Variants in P2RX5 observed in about 807,000 individuals in gnomAD.
P2RX5 encodes the protein P2X purinoceptor 5.
Under a neutral mutation model 54.1 loss-of-function variants are expected in P2RX5, and 46 were observed. That is an observed-to-expected ratio of 0.85 (90% CI 0.67 to 1.09). The LOEUF (loss-of-function observed/expected upper bound fraction) is 1.09. Ranked by LOEUF, P2RX5 falls within the 50% of genes least tolerant of loss-of-function variation. The pLI, the probability that P2RX5 is intolerant of heterozygous loss-of-function variation, is 0.00. For missense variants in P2RX5, 566 were observed against 549.8 expected (o/e 1.03, Z -0.29); for synonymous variants, 226 against 226.4 (o/e 1.00, Z 0.02).
chr17:3,679,844 C>G, intron 10 of P2RX5, 60 bp from the exon 11 acceptor site: 1 of 1,458,088 alleles, frequency 6.9e-7, no homozygotes, highest in Non-Finnish European at 9.5e-7. Flanking sequence ...CCCTCCTAGA[C>G]GGGCGGAGTG....
At chr17:3,684,402 A>C (rs200864910) in intron 9 of P2RX5, among the ~76,000 whole-genome samples, 3 of 152,260 alleles carry the variant, frequency 2.0e-5, no homozygotes, top group Admixed American at 2.0e-4. Flanking sequence ...CCAGGGGTTC[A>C]AGATCAGCCT....
At chr17:3,679,063 G>C (rs371140402) in intron 11 of P2RX5, among the ~76,000 whole-genome samples, 38 of 152,322 alleles carry the variant, frequency 2.5e-4, no homozygotes, top group African/African-American at 7.9e-4. Context: ...GGGGCTGAGG[G>C]GGGGTCATCT....
intron 8 of P2RX5, 60 bp from the exon 9 acceptor site, chr17:3,688,165 C>CCACATCAGTGCTGCCT: frequency 2.2e-6 from 2 of 900,602 alleles, no homozygotes; most frequent in Non-Finnish European, 3.6e-6. Flanking sequence ...CTTTAGGCAG[C>CCACATCAGTGCTGCCT]ACTGATGTGG....
At chr17:3,716,170 C>CA in the P2RX5 span, among the ~76,000 whole-genome samples, 25 of 137,090 alleles carry the variant, frequency 1.8e-4, no homozygotes, top group Admixed American at 5.3e-4. Context: ...AACTCCGTCT[C>CA]AAAAAAAAAA....
At chr17:3,703,873 G>A in the P2RX5 span, among the ~76,000 whole-genome samples, 1 of 152,178 alleles carries the variant, frequency 6.6e-6, no homozygotes, top group Non-Finnish European at 1.5e-5. Flanking sequence ...GGCCGAGGTG[G>A]GTGGATCACC....
rs1326668993 is a variant in P2RX5, at chr17:3,695,882, C to T, written c.124G>A (p.Ala42Thr). Residue 42 changes from alanine to threonine, a missense_variant, in exon 1 of 12, where the codon GCG becomes ACG. Transcript: ENST00000225328. ...LYRLLQASIL[A>T]YLVVWVFLIK... ...CGGAGAACTTACACGACCAGGTACG[C>T]CAGGATGGAGGCCTGCAGCAGCCGG... is the stretch of plus-strand genomic sequence containing the variant. 6.2e-7 allele frequency: 1 copy of T among 1,614,042 alleles called. No individual in the cohort carries two copies. The highest frequency in any genetic ancestry group is 8.5e-7 in the Non-Finnish European group (1 of 1,179,974).
At chr17:3,707,988 G>A in the P2RX5 span, among the ~76,000 whole-genome samples, 1 of 147,560 alleles carries the variant, frequency 6.8e-6, no homozygotes, top group South Asian at 2.2e-4. Context: ...AACCCGGGAT[G>A]CGGAACTTGC....
the P2RX5 span, among the ~76,000 whole-genome samples, chr17:3,701,761 G>GT: frequency 7.1e-4 from 60 of 84,388 alleles, no homozygotes; most frequent in African/African-American, 1.6e-3. Context: ...TTTTTTTTTT[G>GT]TTTTTTTTTT....
chr17:3,688,879 C>A (rs1012271738), intron 7 of P2RX5, 120 bp from the exon 8 acceptor site: 8 of 1,069,762 alleles, frequency 7.5e-6, no homozygotes. Context: ...AGGTCAGCCC[C>A]TCGAGACCAC....
At chr17:3,716,310 C>T in the P2RX5 span, among the ~76,000 whole-genome samples, 1 of 152,118 alleles carries the variant, frequency 6.6e-6, no homozygotes. Flanking sequence ...AGGGGAACAA[C>T]AGTCACATCT....
intron 11 of P2RX5, chr17:3,675,490 T>C: frequency 1.0e-6 from 1 of 985,224 alleles, no homozygotes; most frequent in Non-Finnish European, 1.2e-6. Flanking sequence ...CACCAAGTTA[T>C]AAAAATGCAA....
At chr17:3,691,836 TGGCTTCGGGGAGCTTCC>T in intron 1 of P2RX5, 42 bp from the exon 2 acceptor site, 1 of 1,612,344 alleles carries the variant, frequency 6.2e-7, no homozygotes, top group South Asian at 1.1e-5. Flanking sequence ...GCCACTCTGC[TGGCTTCGGGGAGCTTCC>T]CCAGGCCTTG....
chr17:3,705,076 G>A, the P2RX5 span, among the ~76,000 whole-genome samples: 3 of 152,094 alleles, frequency 2.0e-5, no homozygotes, highest in South Asian at 2.1e-4. Flanking sequence ...AGTCTACCAC[G>A]GTACCTCTTA....
chr17:3,715,055 C>A, the P2RX5 span: 1 of 638,870 alleles, frequency 1.6e-6, no homozygotes, highest in Non-Finnish European at 2.8e-6. Flanking sequence ...GCTTCTCATA[C>A]TTACTACTCC....
At chr17:3,676,994 GGA>G (rs1567728054) in intron 11 of P2RX5, 1 of 689,400 alleles carries the variant, frequency 1.5e-6, no homozygotes, top group Non-Finnish European at 1.8e-6. Flanking sequence ...CCTGGGAGGC[GGA>G]GGTTCCAGTA....
At chr17:3,688,203 G>T in intron 8 of P2RX5, 98 bp from the exon 9 acceptor site, 1 of 735,248 alleles carries the variant, frequency 1.4e-6, no homozygotes, top group Non-Finnish European at 2.4e-6. Flanking sequence ...AAGGACTCCC[G>T]GAACCCTGAC....
intron 11 of P2RX5, chr17:3,676,116 G>A (rs1019972550): frequency 3.8e-5 from 37 of 985,466 alleles, no homozygotes; most frequent in Middle Eastern, 1.0e-3. Flanking sequence ...TGAGGGCGGC[G>A]CTGGAGCACT....
At chr17:3,677,673 C>A in intron 11 of P2RX5, 1 of 985,308 alleles carries the variant, frequency 1.0e-6, no homozygotes, top group Non-Finnish European at 1.2e-6. Context: ...ACACGCGGGC[C>A]CCTCTCCCTG....
chr17:3,693,168 C>G (rs1183171182), intron 1 of P2RX5, among the ~76,000 whole-genome samples: 1 of 145,922 alleles, frequency 6.9e-6, no homozygotes, highest in Non-Finnish European at 1.5e-5. Flanking sequence ...TACACAAATG[C>G]CCAATTAAGC....
Sources: allele counts gnomAD v4.1 joint callset (sites outside exome capture counted in the v4.1 genomes callset), GRCh38; gene constraint gnomAD v4.1.1; transcripts MANE v1.5; gene names NCBI Gene and HGNC (gene_info 2026-07-23, HGNC 2026-07-21).